Variants in LMBRD1 observed in about 807,000 individuals in gnomAD.
LMBRD1 encodes the protein lysosomal cobalamin transport escort protein LMBD1.
A neutral mutation model predicts 74.8 loss-of-function variants in LMBRD1; 64 were observed. That is an observed-to-expected ratio of 0.86 (90% CI 0.70 to 1.05). LMBRD1 has a LOEUF of 1.05. Among genes scored for constraint, LMBRD1 ranks in the 50% least tolerant of loss-of-function variants. LMBRD1 has a pLI of 0.00. For missense variants in LMBRD1, 652 were observed against 645.9 expected, an observed-to-expected ratio of 1.01 and a Z score of -0.10; for synonymous variants, 204 against 216.3, an observed-to-expected ratio of 0.94 and a Z score of 0.50.
At chr6:69,711,445 T>G (rs1045695132) in intron 9 of LMBRD1, among the ~76,000 whole-genome samples, 10 of 152,126 alleles carry the variant, frequency 6.6e-5, no homozygotes, top group African/African-American at 2.4e-4. Flanking sequence ...TAAACATATG[T>G]TTGGTGAAAT....
intron 7 of LMBRD1, among the ~76,000 whole-genome samples, chr6:69,732,877 C>T (rs191044549): frequency 3.9e-5 from 6 of 152,194 alleles, no homozygotes; most frequent in South Asian, 2.1e-4. Context: ...CATATATATC[C>T]GTGCCTGTTA....
rs574773012 is a variant in LMBRD1, at chr6:69,730,723, G to T, written c.636+7219C>A. Among the ~76,000 whole-genome samples, 5 of 152,132 alleles carry T rather than the reference G, an allele frequency of 3.3e-5. No homozygotes were observed. The South Asian group carries it at 6.2e-4, about 19-fold the overall frequency. The stretch of plus-strand genomic sequence containing the variant: ...AAGCAAAAAGTTAATGTGTAAGTCA[G>T]GAGAAAGAGAATGAAGATGCATCGG... On this transcript the variant is annotated intron_variant, in intron 7 of 15. Transcript: ENST00000649934.
intron 14 of LMBRD1, among the ~76,000 whole-genome samples, chr6:69,694,020 GA>G (rs1765944322): frequency 2.0e-5 from 3 of 151,886 alleles, no homozygotes. Context: ...AAATGTTTAA[GA>G]AAAAATATTC....
rs763760074 is a variant in LMBRD1, at chr6:69,718,973, GA to G, written c.744del (p.Gln249LysfsTer21). The G allele has an allele frequency of 5.0e-6, 8 of 1,613,402 alleles. No homozygotes were observed. Among genetic ancestry groups the G allele is most frequent in the Non-Finnish European group, 6.8e-6 (8 of 1,179,606 alleles). ...TEDIEEVEQH[I>X]QTIKSKSKDG... ...CAACTCACTTTTGATTTAATCGTTTGAATGTGTTGTTCTACTTCTTCAATGT... is the reference window on the plus strand; with the variant it reads ...CAACTCACTTTTGATTTAATCGTTTGATGTGTTGTTCTACTTCTTCAATGT... On this transcript the variant is annotated frameshift_variant, in exon 8 of 16. Coordinates refer to ENST00000649934, the MANE Select transcript of LMBRD1 (RefSeq NM_018368.4). LOFTEE classifies it high-confidence loss of function.
At chr6:69,679,969 C>CA (rs1194046176) in intron 14 of LMBRD1, among the ~76,000 whole-genome samples, 1 of 152,122 alleles carries the variant, frequency 6.6e-6, no homozygotes, top group African/African-American at 2.4e-5. Context: ...TTCAGACACG[C>CA]ATGTCCAACA....
intron 5 of LMBRD1, among the ~76,000 whole-genome samples, chr6:69,747,659 A>C (rs1189011179): frequency 6.6e-6 from 1 of 152,216 alleles, no homozygotes; most frequent in Non-Finnish European, 1.5e-5. Flanking sequence ...CACTGTAATT[A>C]AAGGTATGTA....
chr6:69,763,383 T>C (rs1429200747), intron 3 of LMBRD1, among the ~76,000 whole-genome samples: 1 of 152,052 alleles, frequency 6.6e-6, no homozygotes, highest in African/African-American at 2.4e-5. Flanking sequence ...AGTGAAGATA[T>C]GAACCAAGAA....
chr6:69,745,538 G>A (rs113689118), intron 5 of LMBRD1, among the ~76,000 whole-genome samples: 5 of 152,010 alleles, frequency 3.3e-5, no homozygotes, highest in African/African-American at 9.7e-5. Context: ...GATTACAGGC[G>A]TGAGCCACCG....
intron 14 of LMBRD1, among the ~76,000 whole-genome samples, chr6:69,683,746 A>G (rs1485143658): frequency 6.6e-6 from 1 of 151,588 alleles, no homozygotes; most frequent in Non-Finnish European, 1.5e-5. Flanking sequence ...GGACCTCATT[A>G]CTGTTCTAGT....
chr6:69,676,931 A>T (rs1287306671), intron 14 of LMBRD1, among the ~76,000 whole-genome samples: 6 of 152,162 alleles, frequency 3.9e-5, no homozygotes, highest in African/African-American at 1.4e-4. Flanking sequence ...AAGTAATCAG[A>T]TGTGGTCAGT....
At chr6:69,706,576 G>C (rs767039774) in intron 9 of LMBRD1, among the ~76,000 whole-genome samples, 4 of 152,072 alleles carry the variant, frequency 2.6e-5, no homozygotes, top group Non-Finnish European at 4.4e-5. Flanking sequence ...CTATTATCTA[G>C]ATGTAAAGTT....
At chr6:69,704,514 G>C (rs1451480660) in intron 9 of LMBRD1, among the ~76,000 whole-genome samples, 3 of 149,458 alleles carry the variant, frequency 2.0e-5, no homozygotes, top group Non-Finnish European at 4.5e-5. Flanking sequence ...CTACAAACTG[G>C]TTCCTTTTAT....
chr6:69,733,635 C>A (rs978746236), intron 7 of LMBRD1, among the ~76,000 whole-genome samples: 1 of 152,112 alleles, frequency 6.6e-6, no homozygotes, highest in Admixed American at 6.5e-5. Flanking sequence ...TCCCTCTATA[C>A]ACCACAGGTA....
chr6:69,794,583 T>A (rs1766170252), intron 1 of LMBRD1, among the ~76,000 whole-genome samples: 1 of 152,222 alleles, frequency 6.6e-6, no homozygotes, highest in African/African-American at 2.4e-5. Context: ...AGGGAATCTA[T>A]CACTTAAAGA....
At chr6:69,706,134 T>A in intron 9 of LMBRD1, 2 of 557,512 alleles carry the variant, frequency 3.6e-6, no homozygotes, top group East Asian at 3.8e-5. Context: ...TCCGGGGGTT[T>A]ATGTCCATGT....
At chr6:69,729,546 A>G (rs193048001) in intron 7 of LMBRD1, among the ~76,000 whole-genome samples, 127 of 152,134 alleles carry the variant, frequency 8.3e-4, no homozygotes, top group Non-Finnish European at 1.5e-3. Context: ...CTCCAAGAAG[A>G]TAATAATTGA....
chr6:69,783,910 A>T (rs535620970), intron 2 of LMBRD1, among the ~76,000 whole-genome samples: 9 of 152,224 alleles, frequency 5.9e-5, no homozygotes, highest in Admixed American at 5.9e-4. Context: ...GAAGCAAAAG[A>T]ATCATTGAAA....
intron 2 of LMBRD1, among the ~76,000 whole-genome samples, chr6:69,789,247 G>C (rs1766027969): frequency 6.6e-6 from 1 of 152,190 alleles, no homozygotes; most frequent in Non-Finnish European, 1.5e-5. Context: ...ATTTGGACCA[G>C]GGATCGTGGC....
chr6:69,699,190 T>C lies in LMBRD1; in HGVS notation c.1191A>G (p.Leu397=), dbSNP rs773277511. The change falls in exon 13 of 16, where the codon TTA becomes TTG. Residue 397 remains leucine (L), a splice_region_variant and synonymous_variant. Coordinates refer to ENST00000649934, the MANE Select transcript of LMBRD1 (RefSeq NM_018368.4). The part of the protein sequence containing the change: ...NIGIWFFWIR[L]YKIRRGRTRP... ...TGGTTCTACCTCTTCTGATTTTATA[T>C]AACTGGAAAGAAAAGAGTGACAAAA... 3 of 1,611,090 alleles carry C rather than the reference T, an allele frequency of 1.9e-6. No individual in the cohort carries two copies. The highest frequency in any genetic ancestry group is 2.5e-6 in the Non-Finnish European group (3 of 1,177,710).
Sources: allele counts gnomAD v4.1 joint callset (sites outside exome capture counted in the v4.1 genomes callset), GRCh38; gene constraint gnomAD v4.1.1; transcripts MANE v1.5; gene names NCBI Gene and HGNC (gene_info 2026-07-23, HGNC 2026-07-21).